The following KCNIP4 variants were observed in gnomAD, a reference collection of about 807,000 sequenced individuals.
KCNIP4 encodes the protein potassium voltage-gated channel interacting protein 4, also known as Kv channel-interacting protein 4.
Under a neutral mutation model 34.0 loss-of-function variants are expected in KCNIP4, and 12 were observed. The observed-to-expected ratio is 0.35, with a 90% confidence interval of 0.23 to 0.57. The LOEUF is 0.57. KCNIP4 is among the 20% of genes least tolerant of loss of function. The pLI, the probability that KCNIP4 is intolerant of heterozygous loss-of-function variation, is 0.83. For missense variants in KCNIP4, 238 were observed against 311.7 expected (o/e 0.76, Z 1.78); for synonymous variants, 124 against 102.2 (o/e 1.21, Z -1.29).
chr4:20,964,535 A>G (rs1340964061), intron 1 of KCNIP4, among the ~76,000 whole-genome samples: 3 of 152,144 alleles, frequency 2.0e-5, no homozygotes, highest in African/African-American at 7.2e-5. Flanking sequence ...GGAGGTGGTA[A>G]TTAACTGAGT....
intron 1 of KCNIP4, among the ~76,000 whole-genome samples, chr4:21,916,639 G>A (rs1331965172): frequency 6.6e-6 from 1 of 152,140 alleles, no homozygotes; most frequent in African/African-American, 2.4e-5. Flanking sequence ...TATTTTCAAA[G>A]AACCACCACT....
chr4:20,741,351 C>G (rs1242453266), intron 5 of KCNIP4, among the ~76,000 whole-genome samples: 1 of 152,168 alleles, frequency 6.6e-6, no homozygotes, highest in Admixed American at 6.5e-5. Context: ...TGTAAAAGAA[C>G]AGAAATTATA....
intron 1 of KCNIP4, among the ~76,000 whole-genome samples, chr4:21,232,163 C>T (rs1758838106): frequency 6.6e-6 from 1 of 152,012 alleles, no homozygotes; most frequent in Non-Finnish European, 1.5e-5. Flanking sequence ...TGTTCATTTC[C>T]CTGGTAAGCA....
At chr4:21,400,839 G>C (rs1723495723) in intron 1 of KCNIP4, among the ~76,000 whole-genome samples, 1 of 152,200 alleles carries the variant, frequency 6.6e-6, no homozygotes, top group East Asian at 1.9e-4. Context: ...CAGGTAACTG[G>C]TGATAGTTGC....
At chr4:21,210,875 G>T (rs1159684458) in intron 1 of KCNIP4, among the ~76,000 whole-genome samples, 1 of 152,108 alleles carries the variant, frequency 6.6e-6, no homozygotes, top group Non-Finnish European at 1.5e-5. Context: ...TGCAAAAAAA[G>T]ATTAAAATTT....
At chr4:20,756,310 TA>T (rs1754438139) in intron 4 of KCNIP4, among the ~76,000 whole-genome samples, 1 of 152,158 alleles carries the variant, frequency 6.6e-6, no homozygotes, top group African/African-American at 2.4e-5. Context: ...TGTCTTGAGA[TA>T]AAACCTTCTT....
chr4:20,743,039 G>T (rs1381008481), intron 5 of KCNIP4, among the ~76,000 whole-genome samples: 4 of 151,536 alleles, frequency 2.6e-5, no homozygotes, highest in Non-Finnish European at 2.9e-5. Context: ...GGGTGTGAAG[G>T]ACCCTTATAA....
At chr4:21,569,472 A>T (rs1048652814) in intron 1 of KCNIP4, among the ~76,000 whole-genome samples, 5 of 151,990 alleles carry the variant, frequency 3.3e-5, no homozygotes, top group Non-Finnish European at 7.4e-5. Context: ...GATTCATGAC[A>T]TTCTTGGGAT....
chr4:21,538,735 A>G (rs944928395), intron 1 of KCNIP4, among the ~76,000 whole-genome samples: 2 of 152,214 alleles, frequency 1.3e-5, no homozygotes, highest in African/African-American at 4.8e-5. Flanking sequence ...GTGTTTCGGC[A>G]TCTGAGCTAT....
At chr4:20,740,598 T>C (rs1201776843) in intron 5 of KCNIP4, among the ~76,000 whole-genome samples, 3 of 152,148 alleles carry the variant, frequency 2.0e-5, no homozygotes, top group East Asian at 3.9e-4. Flanking sequence ...AAGGAACAAC[T>C]GATACCAGCC....
intron 3 of KCNIP4, among the ~76,000 whole-genome samples, chr4:20,844,504 A>G (rs1243931678): frequency 2.0e-5 from 3 of 152,184 alleles, no homozygotes; most frequent in African/African-American, 7.2e-5. Context: ...GCCGGCAGGA[A>G]TGAAGTGATT....
chr4:20,921,412 G>C (rs1729380044), intron 1 of KCNIP4, among the ~76,000 whole-genome samples: 1 of 152,158 alleles, frequency 6.6e-6, no homozygotes, highest in Admixed American at 6.5e-5. Flanking sequence ...TATATTTTCT[G>C]GTTAGAGCCA....
intron 1 of KCNIP4, among the ~76,000 whole-genome samples, chr4:21,564,208 T>C (rs1369328496): frequency 6.6e-6 from 1 of 152,168 alleles, no homozygotes; most frequent in African/African-American, 2.4e-5. Context: ...CATTTTTCCA[T>C]TGATGTCATT....
intron 1 of KCNIP4, among the ~76,000 whole-genome samples, chr4:21,529,877 T>C (rs1736528402): frequency 6.6e-6 from 1 of 152,166 alleles, no homozygotes; most frequent in Non-Finnish European, 1.5e-5. Context: ...GCTTTGATCA[T>C]GTTCAGTGAA....
chr4:21,044,150 T>C (rs1383971154), intron 1 of KCNIP4, among the ~76,000 whole-genome samples: 1 of 152,106 alleles, frequency 6.6e-6, no homozygotes, highest in Non-Finnish European at 1.5e-5. Context: ...GTTTCCAGCT[T>C]TGTATCCATT....
intron 2 of KCNIP4, among the ~76,000 whole-genome samples, chr4:20,856,885 A>G (rs1210892290): frequency 6.6e-6 from 1 of 152,144 alleles, no homozygotes; most frequent in African/African-American, 2.4e-5. Flanking sequence ...GAACCAAAAC[A>G]GCGGATTAAA....
chr4:20,835,762 T>C (rs28375167), intron 3 of KCNIP4, among the ~76,000 whole-genome samples: 3,014 of 152,052 alleles, frequency 0.02, 81 homozygotes, highest in African/African-American at 0.061. Context: ...CACCCCCCAA[T>C]CTCACTCAAC....
At chr4:21,593,078 A>G (rs962412765) in intron 1 of KCNIP4, among the ~76,000 whole-genome samples, 1 of 151,502 alleles carries the variant, frequency 6.6e-6, no homozygotes, top group Non-Finnish European at 1.5e-5. Flanking sequence ...GCTGCATTGC[A>G]TATATTCATT....
intron 1 of KCNIP4, among the ~76,000 whole-genome samples, chr4:21,884,780 T>C (rs899566431): frequency 5.3e-5 from 8 of 152,074 alleles, no homozygotes; most frequent in African/African-American, 1.9e-4. Context: ...CACTACCTTC[T>C]AGTCATTCTG....
Sources: gnomAD v4.1 joint callset for allele counts (sites outside exome capture counted in the v4.1 genomes callset) on GRCh38, gnomAD v4.1.1 for gene constraint, MANE v1.5 for transcripts, NCBI Gene and HGNC (gene_info 2026-07-23, HGNC 2026-07-21) for gene names.